The following VPS13C variants were observed in gnomAD, a reference collection of about 807,000 sequenced individuals.
VPS13C encodes intermembrane lipid transfer protein VPS13C.
VPS13C carries 358 observed loss-of-function variants against 456.8 expected under a neutral mutation model. The ratio of observed to expected loss-of-function variants is 0.78; its 90% confidence interval spans 0.72 to 0.86. VPS13C has a LOEUF of 0.86. Ranked by LOEUF, VPS13C falls within the 40% of genes least tolerant of loss-of-function variation. VPS13C has a pLI of 0.00. For synonymous variants in VPS13C, 1,578 were observed against 1,486.7 expected (o/e 1.06, Z -1.41); for missense variants, 4,818 against 4,385.4 (o/e 1.10, Z -2.79).
At chr15:62,049,960 G>T (rs1488245485) in intron 1 of VPS13C, among the ~76,000 whole-genome samples, 3 of 152,178 alleles carry the variant, frequency 2.0e-5, no homozygotes, top group Non-Finnish European at 4.4e-5. Flanking sequence ...TTTGTATCCT[G>T]AGACTTTGCT....
chr15:61,932,001 A>G (rs993008138), intron 49 of VPS13C, among the ~76,000 whole-genome samples: 3 of 152,190 alleles, frequency 2.0e-5, no homozygotes, highest in Admixed American at 6.5e-5. Context: ...ATTCCTTGAG[A>G]AAACAAAATA....
At chr15:61,897,532 C>A (rs747683153) in intron 66 of VPS13C, among the ~76,000 whole-genome samples, 1 of 151,914 alleles carries the variant, frequency 6.6e-6, no homozygotes, top group East Asian at 1.9e-4. Context: ...TGATATGAAG[C>A]GAGAAAGGAA....
rs575153287 is a variant in VPS13C at position 62,060,030 on chromosome 15, G to C, written c.100+245C>G. ...GACAGCAGGGCCAGGGCTTGGCCTC[G>C]GGGGACGAGAAAGGTGGGAACTTTG... On this transcript the variant is annotated intron_variant, in intron 1 of 84. Coordinates refer to ENST00000644861, the MANE Select transcript of VPS13C (RefSeq NM_020821.3). Among the ~76,000 whole-genome samples the C allele has an allele frequency of 1.2e-3, 178 of 152,342 alleles. 2 individuals are homozygous for C. Among genetic ancestry groups the C allele is most frequent in the Non-Finnish European group, 1.2e-3 (84 of 68,028 alleles).
intron 1 of VPS13C, among the ~76,000 whole-genome samples, chr15:62,051,010 G>A (rs552130249): frequency 6.6e-6 from 1 of 151,670 alleles, no homozygotes; most frequent in South Asian, 2.1e-4. Context: ...AAATCAAATG[G>A]TACTAGCACA....
chr15:62,009,372 A>C (rs1366192616), intron 13 of VPS13C, among the ~76,000 whole-genome samples: 1 of 151,988 alleles, frequency 6.6e-6, no homozygotes, highest in Non-Finnish European at 1.5e-5. Context: ...TAAAAAAAAA[A>C]AAGGGGGCAA....
chr15:61,941,087 C>A (rs1240108874), intron 46 of VPS13C, among the ~76,000 whole-genome samples: 1 of 152,186 alleles, frequency 6.6e-6, no homozygotes, highest in East Asian at 1.9e-4. Context: ...CTGTTTGATA[C>A]AGCGAATAGT....
chr15:61,968,931 T>C (rs1325830388), intron 28 of VPS13C, among the ~76,000 whole-genome samples: 1 of 152,116 alleles, frequency 6.6e-6, no homozygotes, highest in African/African-American at 2.4e-5. Flanking sequence ...ACAGGAATAA[T>C]ATTCCCCATA....
intron 3 of VPS13C, among the ~76,000 whole-genome samples, chr15:62,037,228 T>A (rs1447741552): frequency 2.8e-4 from 21 of 76,226 alleles, no homozygotes; most frequent in East Asian, 6.6e-4. Flanking sequence ...ATATAATATA[T>A]TATATATAAA....
intron 25 of VPS13C, 85 bp from the exon 26 acceptor site, chr15:61,973,617 T>C (rs1037831784): frequency 1.2e-5 from 12 of 975,598 alleles, no homozygotes; most frequent in Admixed American, 5.3e-5. Flanking sequence ...TAAAAAGTAA[T>C]AGAGGATAAA....
intron 5 of VPS13C, among the ~76,000 whole-genome samples, chr15:62,029,249 G>A (rs1441811415): frequency 6.6e-6 from 1 of 152,088 alleles, no homozygotes; most frequent in Non-Finnish European, 1.5e-5. Context: ...TTCATATAAA[G>A]TATTTTGAAG....
chr15:61,940,909 A>T, intron 46 of VPS13C, 115 bp from the exon 47 acceptor site: 1 of 1,083,448 alleles, frequency 9.2e-7, no homozygotes, highest in Non-Finnish European at 1.3e-6. Flanking sequence ...AGCTGCTAAC[A>T]GAAGTCTTTT....
Position 61,868,783 on chromosome 15 carries a change from G to C in VPS13C, c.10749-10C>G. The C allele has an allele frequency of 6.2e-7, 1 of 1,606,004 alleles. No homozygotes were observed. The highest frequency in any genetic ancestry group is 1.1e-5 in the South Asian group (1 of 90,100). ...AGTTGATTCTGCTGCCCTGAATAAG[G>C]CATCAGAGTAAGTGTAAGAAAATAC... On this transcript the variant is annotated splice_polypyrimidine_tract_variant and intron_variant, in intron 80 of 84. Coordinates refer to ENST00000644861, the MANE Select transcript of VPS13C (RefSeq NM_020821.3).
intron 62 of VPS13C, among the ~76,000 whole-genome samples, chr15:61,913,107 G>C (rs1200481618): frequency 6.6e-6 from 1 of 151,060 alleles, no homozygotes; most frequent in African/African-American, 2.4e-5. Context: ...TTCAACCATT[G>C]TGGAAGTCAG....
chr15:62,016,492 A>G (rs2047254397), intron 9 of VPS13C, among the ~76,000 whole-genome samples: 1 of 141,888 alleles, frequency 7.0e-6, no homozygotes, highest in Non-Finnish European at 1.5e-5. Flanking sequence ...TCATTGTTCA[A>G]TTCCCACCTA....
At chr15:61,897,716 G>A (rs2042871579) in intron 66 of VPS13C, among the ~76,000 whole-genome samples, 1 of 152,110 alleles carries the variant, frequency 6.6e-6, no homozygotes, top group East Asian at 1.9e-4. Flanking sequence ...AATCTAGTAA[G>A]ACAGGCCAAC....
rs778465623 is a variant in VPS13C at position 61,915,874 on chromosome 15, T to C, written c.8204A>G (p.Glu2735Gly). The C allele has an allele frequency of 7.4e-6, 12 of 1,613,980 alleles. No individual in the cohort carries two copies. The highest frequency in any genetic ancestry group is 1.6e-4 in the Middle Eastern group (1 of 6,062). The change falls in exon 61 of 85, where the codon GAA (glutamate) becomes GGA (glycine). Residue 2735 changes from glutamate (E) to glycine (G), a missense_variant. This residue lies in a region of VPS13C where 4,552 missense variants were observed against 4,130.6 expected (regional missense o/e 1.10). Transcript: ENST00000644861. ...GHFRIRDTLP[E>G]FFPVCFSSDS... ...AGAAGAAAAACACACAGGAAAGAAT[T>C]CTGGTAGTGTATCACGTATGCGGAA...
intron 8 of VPS13C, among the ~76,000 whole-genome samples, chr15:62,022,400 G>T (rs2047495385): frequency 6.6e-6 from 1 of 151,774 alleles, no homozygotes; most frequent in Non-Finnish European, 1.5e-5. Flanking sequence ...TTGTACCCAG[G>T]TTCACTTTTC....
At chr15:61,970,029 A>C (rs2045499410) in intron 27 of VPS13C, among the ~76,000 whole-genome samples, 1 of 152,144 alleles carries the variant, frequency 6.6e-6, no homozygotes, top group South Asian at 2.1e-4. Flanking sequence ...TACTATAAGG[A>C]CTTCCGGTGT....
At chr15:61,985,165 A>G (rs2046006422) in intron 18 of VPS13C, among the ~76,000 whole-genome samples, 166 bp from the exon 19 acceptor site, 1 of 152,208 alleles carries the variant, frequency 6.6e-6, no homozygotes, top group Admixed American at 6.5e-5. Flanking sequence ...TTCATTTACA[A>G]ATTTATTCAC....
Sources: allele counts gnomAD v4.1 joint callset (sites outside exome capture counted in the v4.1 genomes callset), GRCh38; gene constraint gnomAD v4.1.1; regional missense constraint gnomAD v4.1.1; transcripts MANE v1.5; gene names NCBI Gene and HGNC (gene_info 2026-07-23, HGNC 2026-07-21).